BTBD9: variants seen among roughly 807,000 people sequenced by gnomAD.
BTBD9 encodes BTB/POZ domain-containing protein 9.
Under a neutral mutation model 64.3 loss-of-function variants are expected in BTBD9, and 49 were observed. The ratio of observed to expected loss-of-function variants is 0.76; its 90% CI spans 0.61 to 0.97. The LOEUF (loss-of-function observed/expected upper bound fraction) is 0.97. Among genes scored for constraint, BTBD9 ranks in the 50% least tolerant of loss-of-function variants. The pLI is 0.00. For synonymous variants in BTBD9, 260 were observed against 274.7 expected, an observed-to-expected ratio of 0.95 and a Z score of 0.53; for missense variants, 598 against 762.1, an observed-to-expected ratio of 0.78 and a Z score of 2.53.
intron 9 of BTBD9, among the ~76,000 whole-genome samples, chr6:38,204,023 T>C (rs942686995): frequency 2.6e-5 from 4 of 151,994 alleles, no homozygotes; most frequent in Non-Finnish European, 5.9e-5. Flanking sequence ...CCCATAAATA[T>C]GTAAAACACT....
At chr6:38,608,665 C>T (rs988789618) in intron 1 of BTBD9, among the ~76,000 whole-genome samples, 12 of 152,104 alleles carry the variant, frequency 7.9e-5, no homozygotes, top group African/African-American at 2.9e-4. Flanking sequence ...ACTATGCATA[C>T]TTTGACTACT....
At chr6:38,380,962 C>T (rs144479161) in intron 6 of BTBD9, among the ~76,000 whole-genome samples, 58 of 151,624 alleles carry the variant, frequency 3.8e-4, no homozygotes, top group Admixed American at 1.5e-3. Context: ...TCTAGTATAA[C>T]CACTAAAATA....
intron 6 of BTBD9, among the ~76,000 whole-genome samples, chr6:38,552,343 A>G (rs1441469745): frequency 6.6e-6 from 1 of 152,214 alleles, no homozygotes; most frequent in African/African-American, 2.4e-5. Flanking sequence ...GTTCTGGTTG[A>G]ACTTACTACA....
chr6:38,487,685 G>A (rs933968809), intron 6 of BTBD9, among the ~76,000 whole-genome samples: 4 of 113,730 alleles, frequency 3.5e-5, no homozygotes, highest in African/African-American at 1.4e-4. Context: ...GAGAAGAAAG[G>A]AAAAGAAAAG....
At chr6:38,489,258 A>C (rs1771591442) in intron 6 of BTBD9, among the ~76,000 whole-genome samples, 1 of 152,132 alleles carries the variant, frequency 6.6e-6, no homozygotes, top group East Asian at 1.9e-4. Flanking sequence ...ATATTCCCAG[A>C]AGTTTGAGAC....
intron 6 of BTBD9, among the ~76,000 whole-genome samples, chr6:38,545,679 T>G (rs1774501977): frequency 1.4e-5 from 2 of 145,900 alleles, no homozygotes; most frequent in Non-Finnish European, 3.0e-5. Context: ...CTCGGGAGGC[T>G]GAGGCAGGAG....
intron 1 of BTBD9, among the ~76,000 whole-genome samples, chr6:38,628,358 C>CA (rs1457678890): frequency 6.6e-6 from 1 of 152,194 alleles, no homozygotes; most frequent in Non-Finnish European, 1.5e-5. Context: ...ATTTGGACTA[C>CA]AGGTCCCCAC....
intron 6 of BTBD9, among the ~76,000 whole-genome samples, chr6:38,387,065 G>A (rs1379883284): frequency 6.6e-6 from 1 of 152,202 alleles, no homozygotes; most frequent in Non-Finnish European, 1.5e-5. Flanking sequence ...TGTGTAGTAA[G>A]AAAGGATGCT....
At chr6:38,497,557 T>C (rs929502705) in intron 6 of BTBD9, among the ~76,000 whole-genome samples, 2 of 151,896 alleles carry the variant, frequency 1.3e-5, no homozygotes, top group African/African-American at 4.8e-5. Flanking sequence ...ATTTACCAGT[T>C]CATGATATGG....
intron 6 of BTBD9, among the ~76,000 whole-genome samples, chr6:38,562,739 G>A (rs1775313169): frequency 6.6e-6 from 1 of 152,182 alleles, no homozygotes; most frequent in Middle Eastern, 3.4e-3. Context: ...CTTATTGATG[G>A]GCATTTTGGT....
chr6:38,317,280 C>A (rs551244738), intron 7 of BTBD9, among the ~76,000 whole-genome samples: 1 of 152,312 alleles, frequency 6.6e-6, no homozygotes, highest in South Asian at 2.1e-4. Flanking sequence ...AGGCATGAGC[C>A]ACCGTGCCTG....
At chr6:38,180,895 G>A (rs1761525040) in intron 10 of BTBD9, among the ~76,000 whole-genome samples, 1 of 152,192 alleles carries the variant, frequency 6.6e-6, no homozygotes, top group Non-Finnish European at 1.5e-5. Flanking sequence ...AGTCACAATC[G>A]GGTGTCCTTT....
intron 6 of BTBD9, among the ~76,000 whole-genome samples, chr6:38,476,658 C>G: frequency 6.6e-6 from 1 of 152,262 alleles, no homozygotes; most frequent in Middle Eastern, 3.4e-3. Flanking sequence ...AAAAATAATA[C>G]AAATAACAAA....
At chr6:38,494,413 T>C (rs796667633) in intron 6 of BTBD9, among the ~76,000 whole-genome samples, 14 of 152,284 alleles carry the variant, frequency 9.2e-5, no homozygotes, top group African/African-American at 3.4e-4. Context: ...ACAAACCTAA[T>C]GTGGACACAG....
intron 6 of BTBD9, among the ~76,000 whole-genome samples, chr6:38,514,118 T>C (rs568143293): frequency 3.0e-4 from 45 of 152,260 alleles, no homozygotes; most frequent in Non-Finnish European, 5.1e-4. Context: ...AGTCTTCTGG[T>C]GCAGTAAGAA....
chr6:38,580,096 C>T (rs768108161), intron 5 of BTBD9, 122 bp downstream of exon 5: 3 of 923,700 alleles, frequency 3.2e-6, no homozygotes, highest in Non-Finnish European at 4.8e-6. Flanking sequence ...AACCAACCTT[C>T]AAGAGATAGC....
At position 38,374,316 on chromosome 6, in the gene BTBD9, T is replaced by TATATATATATAC. The variant is rs1562095814; in HGVS notation, c.1155-29224_1155-29223insGTATATATATAT. On this transcript the variant is annotated intron_variant, in intron 6 of 10. Transcript: ENST00000481247. Reference sequence around the variant, plus strand: ...ATATATGTATATATATGTATATATATATATATATATGTATATAAAATCTGT... The same window carrying TATATATATATAC: ...ATATATGTATATATATGTATATATATATATATATATACATATATATATGTATATAAAATCTGT... 7.7e-4 allele frequency among the ~76,000 whole-genome samples: 89 copies of TATATATATATAC among 116,328 alleles called. 2 individuals carry two copies. The highest frequency in any genetic ancestry group is 3.1e-3 in the African/African-American group (86 of 28,152). 76.3% of individuals were successfully genotyped at this position (116,328 alleles called of 152,430 possible).
chr6:38,452,429 G>A (rs565798172), intron 6 of BTBD9, among the ~76,000 whole-genome samples: 52 of 152,006 alleles, frequency 3.4e-4, no homozygotes, highest in Admixed American at 7.9e-4. Flanking sequence ...AACAAAAACC[G>A]TGTTTTAGTA....
In BTBD9 at chr6:38,499,551, T is replaced by C. The variant is rs138265995; in HGVS notation, c.1154+78049A>G. Reference sequence around the variant, plus strand: ...GTTTAAATTGCTTATTTATGCAATATATATTCTCTATCATCTCAATTCTAA... The same window carrying C: ...GTTTAAATTGCTTATTTATGCAATACATATTCTCTATCATCTCAATTCTAA... On this transcript the variant is annotated intron_variant, in intron 6 of 10. Coordinates refer to ENST00000481247, the MANE Select transcript of BTBD9 (RefSeq NM_001099272.2). Among the ~76,000 whole-genome samples the C allele has an allele frequency of 3.7e-3, 556 of 152,324 alleles. 2 individuals are homozygous for C. Among genetic ancestry groups the C allele is most frequent in the African/African-American group, 0.013 (526 of 41,576 alleles).
Sources: gnomAD v4.1 joint callset for allele counts (sites outside exome capture counted in the v4.1 genomes callset) on GRCh38, gnomAD v4.1.1 for gene constraint, MANE v1.5 for transcripts, NCBI Gene and HGNC (gene_info 2026-07-23, HGNC 2026-07-21) for gene names.